HCRTR2: variants seen among roughly 807,000 people sequenced by gnomAD.
HCRTR2 encodes hypocretin receptor 2.
In HCRTR2, 22 loss-of-function variants were observed where a neutral mutation model predicts 49.0. The observed-to-expected ratio is 0.45, with a 90% CI of 0.32 to 0.64. HCRTR2 has a LOEUF of 0.64. Among genes scored for constraint, HCRTR2 ranks in the 30% least tolerant of loss-of-function variants. The pLI is 0.04. For missense variants in HCRTR2, 491 were observed against 559.4 expected (o/e 0.88, Z 1.23); for synonymous variants, 236 against 205.3 (o/e 1.15, Z -1.28).
rs72977415 is a variant in HCRTR2 at position 55,157,974 on chromosome 6, A to G, written c.-377-16237A>G. Among the ~76,000 whole-genome samples the G allele has an allele frequency of 7.1e-3, 1,082 of 152,342 alleles. 7 individuals carry two copies. The highest frequency in any genetic ancestry group is 0.012 in the Non-Finnish European group (828 of 68,028). ...CTAACTTCTCAATGCCCAGAAACTGATGAACATCCACAAGCTTTAAGACCA... is the reference window on the plus strand; with the variant it reads ...CTAACTTCTCAATGCCCAGAAACTGGTGAACATCCACAAGCTTTAAGACCA... On this transcript the variant is annotated intron_variant, in intron 1 of 7. Transcript: ENST00000615358.
intron 1 of HCRTR2, among the ~76,000 whole-genome samples, chr6:55,239,981 T>C (rs1358925957): frequency 3.3e-5 from 5 of 151,966 alleles, no homozygotes; most frequent in Non-Finnish European, 7.4e-5. Flanking sequence ...TTCGCCATGT[T>C]GGCCAGGCCG....
chr6:55,117,266 C>T (rs1443732048), intron 1 of HCRTR2, among the ~76,000 whole-genome samples: 2 of 151,688 alleles, frequency 1.3e-5, no homozygotes, highest in Non-Finnish European at 1.5e-5. Context: ...TTTGTCATTG[C>T]TCTGATAAAT....
intron 1 of HCRTR2, among the ~76,000 whole-genome samples, chr6:55,127,777 A>G (rs1039473164): frequency 1.3e-5 from 2 of 149,246 alleles, no homozygotes; most frequent in Non-Finnish European, 3.0e-5. Context: ...CTTGAGCCAG[A>G]AGCCAGAAAC....
intron 1 of HCRTR2, among the ~76,000 whole-genome samples, chr6:55,121,310 T>C (rs138704178): frequency 6.6e-6 from 1 of 152,174 alleles, no homozygotes; most frequent in African/African-American, 2.4e-5. Flanking sequence ...TTTGTGATTT[T>C]TGCACATTGA....
At chr6:55,196,070 AT>A in intron 1 of HCRTR2, among the ~76,000 whole-genome samples, 1 of 152,352 alleles carries the variant, frequency 6.6e-6, no homozygotes, top group Non-Finnish European at 1.5e-5. Context: ...AGTAATTTAA[AT>A]TTTTCCTATA....
Position 55,255,408 on chromosome 6 carries a change from A to T in HCRTR2, c.646+29A>T, listed in dbSNP as rs575757429. On this transcript the variant is annotated intron_variant, in intron 3 of 6. Transcript: ENST00000370862. ...AGTACCTTATGGCCCATCAACTGACATTTATATTACAGCAGCAAATTGAAA... is the reference window on the plus strand; with the variant it reads ...AGTACCTTATGGCCCATCAACTGACTTTTATATTACAGCAGCAAATTGAAA... 1.2e-5 allele frequency: 20 copies of T among 1,613,148 alleles called. No homozygotes were observed. In the East Asian group the frequency reaches 4.0e-4, roughly 32 times the overall value.
Position 55,274,239 on chromosome 6 carries a change from G to GTATATATATA in HCRTR2, c.763-3132_763-3123dup, listed in dbSNP as rs61667408. On this transcript the variant is annotated intron_variant, in intron 4 of 6. Transcript: ENST00000370862. The stretch of plus-strand genomic sequence containing the variant: ...TCTCTGCAATGTTTCATCATTTTCA[G>GTATATATATA]TATATATATATATATATAATGAAAT... Among the ~76,000 whole-genome samples, 278 of 119,504 alleles carry GTATATATATA rather than the reference G, an allele frequency of 2.3e-3. 3 individuals are homozygous for GTATATATATA. The highest frequency in any genetic ancestry group is 7.1e-3 in the African/African-American group (234 of 32,912). 78.4% of individuals were successfully genotyped at this position (119,504 alleles called of 152,430 possible).
At position 55,279,025 on chromosome 6, in the gene HCRTR2, T is replaced by G. The variant is rs183483291; in HGVS notation, c.984-1298T>G. 3.9e-5 allele frequency among the ~76,000 whole-genome samples: 6 copies of G among 152,146 alleles called. No homozygotes were observed. In the East Asian group the frequency reaches 1.2e-3, roughly 29 times the overall value. Reference sequence around the variant, plus strand: ...TTTTTTGTCAATAATATATGTCTTATTCTTCTGACTCAAATCCCTTCCTTT... The same window carrying G: ...TTTTTTGTCAATAATATATGTCTTAGTCTTCTGACTCAAATCCCTTCCTTT... On this transcript the variant is annotated intron_variant, in intron 5 of 6. Coordinates refer to ENST00000370862, the MANE Select transcript of HCRTR2 (RefSeq NM_001384272.1).
chr6:55,196,952 C>T (rs1765427030), intron 1 of HCRTR2, among the ~76,000 whole-genome samples: 1 of 152,056 alleles, frequency 6.6e-6, no homozygotes, highest in Non-Finnish European at 1.5e-5. Flanking sequence ...ACCTGCAAGC[C>T]TGATAAAAAT....
At chr6:55,140,914 G>A (rs2074437744) in intron 1 of HCRTR2, among the ~76,000 whole-genome samples, 1 of 152,200 alleles carries the variant, frequency 6.6e-6, no homozygotes, top group Non-Finnish European at 1.5e-5. Context: ...GGAAAAGAGA[G>A]TTCGGAAGCT....
At chr6:55,123,451 C>A (rs1437445430) in intron 1 of HCRTR2, among the ~76,000 whole-genome samples, 1 of 152,052 alleles carries the variant, frequency 6.6e-6, no homozygotes. Context: ...TATGTTGAAC[C>A]AGCCTTGCAT....
At chr6:55,167,773 A>G (rs1764898383) in intron 1 of HCRTR2, among the ~76,000 whole-genome samples, 1 of 152,196 alleles carries the variant, frequency 6.6e-6, no homozygotes, top group South Asian at 2.1e-4. Flanking sequence ...TATAGTTTGT[A>G]CTGCAAGACT....
intron 1 of HCRTR2, among the ~76,000 whole-genome samples, chr6:55,177,091 T>A (rs2127270538): frequency 6.6e-6 from 1 of 152,230 alleles, no homozygotes; most frequent in South Asian, 2.1e-4. Flanking sequence ...GGAGTTTTAG[T>A]TTCAAGAAGG....
intron 1 of HCRTR2, among the ~76,000 whole-genome samples, chr6:55,129,805 T>C (rs1208736098): frequency 2.6e-5 from 4 of 152,032 alleles, no homozygotes; most frequent in Non-Finnish European, 5.9e-5. Context: ...TCTCAGCCAA[T>C]ATTCTTCAAT....
intron 1 of HCRTR2, among the ~76,000 whole-genome samples, chr6:55,108,806 T>A (rs1764009797): frequency 6.6e-6 from 1 of 152,022 alleles, no homozygotes; most frequent in Non-Finnish European, 1.5e-5. Context: ...AGTGCAAATT[T>A]TCCAGGGCAG....
At position 55,200,333 on chromosome 6, in the gene HCRTR2, T is replaced by C. The variant is rs11966450; in HGVS notation, c.223+25523T>C. ...AGGCTGGAGTGCAATGGTGGGATCT[T>C]GGCTCACTGCAACTCCCGCCTCCTG... On this transcript the variant is annotated intron_variant, in intron 1 of 6. Transcript: ENST00000370862. Among the ~76,000 whole-genome samples the C allele has an allele frequency of 7.4e-3, 1,116 of 151,122 alleles. 7 individuals carry two copies. The highest frequency in any genetic ancestry group is 0.025 in the African/African-American group (1,044 of 41,172).
intron 1 of HCRTR2, among the ~76,000 whole-genome samples, chr6:55,183,846 G>C (rs1285261340): frequency 1.3e-5 from 2 of 151,966 alleles, no homozygotes; most frequent in East Asian, 3.9e-4. Context: ...GGAAAGAAGA[G>C]AAAGAAAGAA....
intron 1 of HCRTR2, among the ~76,000 whole-genome samples, chr6:55,227,921 A>G (rs1027645257): frequency 4.6e-5 from 7 of 152,184 alleles, no homozygotes; most frequent in Admixed American, 1.3e-4. Context: ...ATTTTTCCTA[A>G]TAAGTAGTGT....
At chr6:55,194,942 T>TA (rs1424571072) in intron 1 of HCRTR2, among the ~76,000 whole-genome samples, 1 of 152,040 alleles carries the variant, frequency 6.6e-6, no homozygotes, top group Admixed American at 6.6e-5. Context: ...AAAATTAGAT[T>TA]AAAAAACAAA....
Sources: gnomAD v4.1 joint callset for allele counts (sites outside exome capture counted in the v4.1 genomes callset) on GRCh38, gnomAD v4.1.1 for gene constraint, MANE v1.5 for transcripts, NCBI Gene and HGNC (gene_info 2026-07-23, HGNC 2026-07-21) for gene names.